The following PGLYRP4 variants were observed in gnomAD, a reference collection of about 807,000 sequenced individuals.
PGLYRP4 encodes peptidoglycan recognition protein 4.
In PGLYRP4, 39 loss-of-function variants were observed where a neutral mutation model predicts 41.2. The observed-to-expected ratio is 0.95, with a 90% confidence interval of 0.73 to 1.24. The LOEUF is 1.24. PGLYRP4 is among the 50% of genes most tolerant of loss of function. The pLI, the probability that PGLYRP4 is intolerant of heterozygous loss-of-function variation, is 0.00. For missense variants in PGLYRP4, 467 were observed against 460.7 expected (o/e 1.01, Z -0.13); for synonymous variants, 202 against 186.8 (o/e 1.08, Z -0.66).
Position 153,330,799 on chromosome 1 carries a change from T to C in PGLYRP4, c.1090A>G (p.Ile364Val). The C allele has an allele frequency of 1.9e-6, 3 of 1,613,966 alleles. No homozygotes were observed. Among genetic ancestry groups the C allele is most frequent in the Non-Finnish European group, 2.5e-6 (3 of 1,179,924 alleles). ...TLSPGQALYN[I>V]ISTWPHFKH ...TTGAAATGAGGCCAGGTGCTGATGA[T>C]GTTGTACAAAGCCTGCCCAGGAGAC... Residue 364 changes from isoleucine (I) to valine (V), a missense_variant, in exon 9 of 9, where the codon ATC becomes GTC. Ile to Val is a conservative substitution (Grantham distance 29). Coordinates refer to ENST00000359650, the MANE Select transcript of PGLYRP4 (RefSeq NM_020393.4).
chr1:153,334,172 C>T (rs540291418), intron 8 of PGLYRP4, among the ~76,000 whole-genome samples: 1 of 152,084 alleles, frequency 6.6e-6, no homozygotes, highest in East Asian at 1.9e-4. Flanking sequence ...CTTCAAAAGA[C>T]TCCTATATTT....
At position 153,342,494 on chromosome 1, in the gene PGLYRP4, G is replaced by A. The variant is rs565153263; in HGVS notation, c.472+596C>T. Among the ~76,000 whole-genome samples, 3 of 152,310 alleles carry A rather than the reference G, an allele frequency of 2.0e-5. 1 individual carries two copies. In the South Asian group the frequency reaches 6.2e-4, roughly 32 times the overall value. On this transcript the variant is annotated intron_variant, in intron 5 of 8. Transcript: ENST00000359650. ...CTGGAAGGGGAAAATGAGAAACTAG[G>A]TATGTAAGATCTCTGTTAACGGGAA...
At position 153,330,544 on chromosome 1, in the gene PGLYRP4, A is replaced by G. The variant is rs1332935293; in HGVS notation, c.*223T>C. ...GGAGAGGAAGGTAAGGAGAGAAGAA[A>G]TCTGGACTCAGACTCAGAGGGCTGT... On this transcript the variant is annotated 3_prime_UTR_variant, in exon 9 of 9. Coordinates refer to ENST00000359650, the MANE Select transcript of PGLYRP4 (RefSeq NM_020393.4). 2 of 372,732 alleles carry G rather than the reference A, an allele frequency of 5.4e-6. No homozygotes were observed. Among genetic ancestry groups the G allele is most frequent in the East Asian group, 7.9e-5 (2 of 25,244 alleles). 23.1% of individuals were successfully genotyped at this position (372,732 alleles called of 1,614,324 possible).
At position 153,345,372 on chromosome 1, in the gene PGLYRP4, T is replaced by A. The variant is rs756382262; in HGVS notation, c.150A>T (p.Thr50=). Reference sequence around the variant, plus strand: ...TGCGAGAGACCGTGGTGGAGACATCTGTGGGAAGGCCTTGGGGACGTCACT... The same window carrying A: ...TGCGAGAGACCGTGGTGGAGACATCAGTGGGAAGGCCTTGGGGACGTCACT... ...ISQLTEKGLP[T]DVSTTVSRKA... is the part of the protein sequence containing the mutation. The change falls in exon 4 of 9, where the codon ACA becomes ACT. Residue 50 remains threonine (T), a synonymous_variant. Coordinates refer to ENST00000359650, the MANE Select transcript of PGLYRP4 (RefSeq NM_020393.4). 1.2e-6 allele frequency: 2 copies of A among 1,614,122 alleles called. No individual in the cohort carries two copies. Among genetic ancestry groups the A allele is most frequent in the South Asian group, 1.1e-5 (1 of 91,080 alleles).
chr1:153,337,354 C>G (rs1395709945), intron 7 of PGLYRP4, 55 bp from the exon 8 acceptor site: 6 of 1,036,994 alleles, frequency 5.8e-6, no homozygotes, highest in Non-Finnish European at 8.8e-6. Flanking sequence ...AATTGTTTCT[C>G]TCTTTCATGT....
At chr1:153,346,298 T>C in intron 2 of PGLYRP4, 107 bp from the exon 3 acceptor site, 1 of 816,912 alleles carries the variant, frequency 1.2e-6, no homozygotes, top group Admixed American at 1.9e-5. Context: ...CCCCTCTGCC[T>C]CCTCAAATCC....
At chr1:153,343,327 T>C (rs529630641) in intron 4 of PGLYRP4, 119 bp from the exon 5 acceptor site, 1 of 668,990 alleles carries the variant, frequency 1.5e-6, no homozygotes, top group East Asian at 2.6e-5. Flanking sequence ...TAAAAGGAAT[T>C]TGCATGAACT....
intron 2 of PGLYRP4, 81 bp downstream of exon 2, chr1:153,347,803 G>T: frequency 2.0e-6 from 2 of 1,016,872 alleles, no homozygotes; most frequent in Non-Finnish European, 3.1e-6. Flanking sequence ...CAGATGGACA[G>T]TAGGTATTTT....
intron 2 of PGLYRP4, 57 bp from the exon 3 acceptor site, chr1:153,346,248 G>A (rs1661006082): frequency 7.6e-7 from 1 of 1,308,188 alleles, no homozygotes; most frequent in Non-Finnish European, 1.1e-6. Context: ...CATCATGGTG[G>A]CACCAGCTCT....
chr1:153,344,470 C>T (rs550112303), intron 4 of PGLYRP4, among the ~76,000 whole-genome samples: 1 of 152,110 alleles, frequency 6.6e-6, no homozygotes, highest in East Asian at 1.9e-4. Flanking sequence ...CCCTGTCCCC[C>T]AGGAAGGCAT....
In PGLYRP4 at chr1:153,347,939, G is replaced by A. The variant is rs369696338; in HGVS notation, c.-7C>T. 2.5e-5 allele frequency: 41 copies of A among 1,612,346 alleles called. No individual in the cohort carries two copies. Among genetic ancestry groups the A allele is most frequent in the Non-Finnish European group, 3.2e-5 (38 of 1,178,644 alleles). On this transcript the variant is annotated 5_prime_UTR_variant, in exon 2 of 9. The change creates a new upstream start codon in the 5' untranslated region. Transcript: ENST00000359650. ...CAAGAAGCCACGGCAGCATCCCCAC[G>A]TGGTCCCAGGACACCAATCTGGAGA...
intron 7 of PGLYRP4, among the ~76,000 whole-genome samples, chr1:153,339,074 A>C (rs917202836): frequency 2.0e-5 from 3 of 152,240 alleles, no homozygotes; most frequent in African/African-American, 7.2e-5. Context: ...TCAATGAAAG[A>C]AAATGACACA....
chr1:153,334,651 G>A (rs191357441), intron 8 of PGLYRP4, among the ~76,000 whole-genome samples: 74 of 151,582 alleles, frequency 4.9e-4, no homozygotes, highest in Non-Finnish European at 8.5e-4. Flanking sequence ...CAGATTCAAC[G>A]CAGTTCCTAT....
In PGLYRP4 at chr1:153,340,374, C is replaced by A; in HGVS notation, c.824+7G>T. The A allele has an allele frequency of 6.2e-7, 1 of 1,613,510 alleles. No individual in the cohort carries two copies. Among genetic ancestry groups the A allele is most frequent in the Non-Finnish European group, 8.5e-7 (1 of 1,179,476 alleles). ...AAAAGAAGCCCAGTGTACCCAGACC[C>A]ACTCACTTATAACCAATGTCGCATG... On this transcript the variant is annotated splice_region_variant and intron_variant, in intron 7 of 8. Coordinates refer to ENST00000359650, the MANE Select transcript of PGLYRP4 (RefSeq NM_020393.4).
chr1:153,345,174 G>A lies in PGLYRP4; in HGVS notation c.348C>T (p.Ala116=), dbSNP rs1305904952. The A allele has an allele frequency of 6.2e-7, 1 of 1,607,782 alleles. No individual in the cohort carries two copies. Among genetic ancestry groups the A allele is most frequent in the East Asian group, 2.2e-5 (1 of 44,796 alleles). ...HVHNNSGCDV[A]YNFLVGDDGR... ...GACCCAGACCCAGCTCTTACTTGTA[G>A]GCCACATCACACCCACTGTTGTTGT... The change falls in exon 4 of 9, where the codon GCC becomes GCT. Residue 116 remains alanine, a synonymous_variant. Coordinates refer to ENST00000359650, the MANE Select transcript of PGLYRP4 (RefSeq NM_020393.4).
intron 1 of PGLYRP4, 130 bp from the exon 2 acceptor site, chr1:153,348,108 A>G: frequency 1.7e-6 from 1 of 604,874 alleles, no homozygotes; most frequent in Non-Finnish European, 3.0e-6. Flanking sequence ...CACCTGCTTC[A>G]GTCTTCTCAG....
chr1:153,331,056 G>T, intron 8 of PGLYRP4, 111 bp from the exon 9 acceptor site: 2 of 854,496 alleles, frequency 2.3e-6, no homozygotes, highest in Non-Finnish European at 3.5e-6. Flanking sequence ...ACTGTTGGCA[G>T]CCTCCCTAGA....
At chr1:153,335,095 G>A (rs749440606) in intron 8 of PGLYRP4, among the ~76,000 whole-genome samples, 2 of 152,062 alleles carry the variant, frequency 1.3e-5, no homozygotes, top group Non-Finnish European at 2.9e-5. Flanking sequence ...AAAAATCTTA[G>A]AAGAAAACCC....
At chr1:153,345,442 A>T in intron 3 of PGLYRP4, 60 bp from the exon 4 acceptor site, 1 of 1,477,538 alleles carries the variant, frequency 6.8e-7, no homozygotes, top group African/African-American at 1.4e-5. Flanking sequence ...GCCAAGCTGA[A>T]CATGCAGGCA....
Sources: gnomAD v4.1 joint callset for allele counts (sites outside exome capture counted in the v4.1 genomes callset) on GRCh38, gnomAD v4.1.1 for gene constraint, MANE v1.5 for transcripts, NCBI Gene and HGNC (gene_info 2026-07-23, HGNC 2026-07-21) for gene names.